DMRT3: variants seen among roughly 807,000 people sequenced by gnomAD.
DMRT3 encodes the protein doublesex and mab-3 related transcription factor 3.
In DMRT3, 29 loss-of-function variants were observed where a neutral mutation model predicts 34.9. That is an observed-to-expected ratio of 0.83 (90% CI 0.62 to 1.13). DMRT3 has a LOEUF of 1.13. DMRT3 is among the 50% of genes most tolerant of loss of function. The pLI, the probability that DMRT3 is intolerant of heterozygous loss-of-function variation, is 0.00. For missense variants in DMRT3, 772 were observed against 629.1 expected (o/e 1.23, Z -2.43); for synonymous variants, 350 against 286.0 (o/e 1.22, Z -2.26).
chr9:990,407 G>A lies in DMRT3; in HGVS notation c.821G>A (p.Cys274Tyr), dbSNP rs753155781. 1.9e-6 allele frequency: 3 copies of A among 1,614,110 alleles called. No individual in the cohort carries two copies. Among genetic ancestry groups the A allele is most frequent in the South Asian group, 1.1e-5 (1 of 91,082 alleles). ...PTVLELILKG[C>Y]GGDLVSAVEV... Reference sequence around the variant, plus strand: ...GTGCTTGAGCTCATCCTCAAGGGCTGTGGCGGGGACCTGGTGAGCGCCGTG... The same window carrying A: ...GTGCTTGAGCTCATCCTCAAGGGCTATGGCGGGGACCTGGTGAGCGCCGTG... The change falls in exon 2 of 2, where the codon TGT becomes TAT. Residue 274 changes from cysteine to tyrosine, a missense_variant. Transcript: ENST00000190165.
chr9:983,087 C>G (rs1419369662), intron 1 of DMRT3, among the ~76,000 whole-genome samples: 2 of 152,206 alleles, frequency 1.3e-5, no homozygotes, highest in Admixed American at 1.3e-4. Context: ...ATGCATACTA[C>G]TGTTCTCAGA....
chr9:977,061 G>A lies in DMRT3; in HGVS notation c.60G>A (p.Arg20=). ...YMGGPVSQPP[R]APLQRTPKCA... ...GCGGCCCGGTGTCGCAGCCGCCACGGGCGCCCCTGCAGCGCACGCCCAAGT... is the reference window on the plus strand; with the variant it reads ...GCGGCCCGGTGTCGCAGCCGCCACGAGCGCCCCTGCAGCGCACGCCCAAGT... Residue 20 remains arginine, a synonymous_variant, in exon 1 of 2, where the codon CGG becomes CGA. Transcript: ENST00000190165. The A allele has an allele frequency of 6.3e-7, 1 of 1,577,940 alleles. No homozygotes were observed. The highest frequency in any genetic ancestry group is 1.1e-5 in the South Asian group (1 of 87,180).
intron 1 of DMRT3, among the ~76,000 whole-genome samples, chr9:981,481 C>G (rs1426320108): frequency 6.6e-6 from 1 of 152,230 alleles, no homozygotes; most frequent in African/African-American, 2.4e-5. Flanking sequence ...GGGCTTGACT[C>G]AGTTGCATTT....
Position 977,077 on chromosome 9 carries a change from A to C in DMRT3, c.76A>C (p.Thr26Pro). 6.3e-7 allele frequency: 1 copy of C among 1,592,554 alleles called. No individual in the cohort carries two copies. Residue 26 changes from threonine (T) to proline (P), a missense_variant, in exon 1 of 2, where the codon ACG becomes CCG. Transcript: ENST00000190165. ...SQPPRAPLQR[T>P]PKCARCRNHG... The stretch of plus-strand genomic sequence containing the variant: ...GCCGCCACGGGCGCCCCTGCAGCGC[A>C]CGCCCAAGTGCGCGCGCTGCCGCAA...
chr9:980,157 T>G (rs1166559432), intron 1 of DMRT3, among the ~76,000 whole-genome samples: 2 of 152,300 alleles, frequency 1.3e-5, no homozygotes, highest in East Asian at 3.9e-4. Context: ...GAAAAGCACA[T>G]GCCTTAAGGA....
At chr9:977,855 G>A (rs1235009213) in intron 1 of DMRT3, among the ~76,000 whole-genome samples, 2 of 151,906 alleles carry the variant, frequency 1.3e-5, no homozygotes, top group South Asian at 4.2e-4. Context: ...GGCTTTAGAG[G>A]TCCTTGCCAT....
chr9:979,280 C>A (rs1166457160), intron 1 of DMRT3, among the ~76,000 whole-genome samples: 1 of 152,088 alleles, frequency 6.6e-6, no homozygotes, highest in Non-Finnish European at 1.5e-5. Context: ...GGCAGGAAGG[C>A]AGAGTAGGCA....
chr9:990,141 G>C lies in DMRT3; in HGVS notation c.555G>C (p.Lys185Asn), dbSNP rs1358930260. 14 of 1,613,960 alleles carry C rather than the reference G, an allele frequency of 8.7e-6. No homozygotes were observed. The highest frequency in any genetic ancestry group is 1.3e-5 in the African/African-American group (1 of 74,900). The change falls in exon 2 of 2, where the codon AAG becomes AAC. Residue 185 changes from lysine (K) to asparagine (N), a missense_variant. Lys to Asn is a moderately conservative substitution (Grantham distance 94, BLOSUM62 0). Coordinates refer to ENST00000190165, the MANE Select transcript of DMRT3 (RefSeq NM_021240.4). ...AGAGGAGTTCCCCAGATGTGGCAAA[G>C]AGTAAGGGCTGCTTCACCCCTGAGA... ...TDQRSSPDVA[K>N]SKGCFTPESP...
At position 990,749 on chromosome 9, in the gene DMRT3, A is replaced by T; in HGVS notation, c.1163A>T (p.Asp388Val). 2 of 1,614,022 alleles carry T rather than the reference A, an allele frequency of 1.2e-6. No individual in the cohort carries two copies. The highest frequency in any genetic ancestry group is 1.1e-5 in the South Asian group (1 of 91,078). The part of the protein sequence containing the change: ...RSQSSPFLPN[D>V]VTLWNTMTLQ... ...CAGTCGAGCCCCTTTTTGCCCAATG[A>T]TGTCACCCTGTGGAACACCATGACG... The change falls in exon 2 of 2, where the codon GAT becomes GTT. Residue 388 changes from aspartate (D) to valine (V), a missense_variant. Physicochemically the swap from Asp to Val is radical, Grantham distance 152. Coordinates refer to ENST00000190165, the MANE Select transcript of DMRT3 (RefSeq NM_021240.4).
intron 1 of DMRT3, 38 bp downstream of exon 1, chr9:977,493 G>T: frequency 7.9e-7 from 1 of 1,261,346 alleles, no homozygotes; most frequent in Non-Finnish European, 1.0e-6. Flanking sequence ...GGCCGGGCGC[G>T]GGGGCAACTT....
intron 1 of DMRT3, 110 bp downstream of exon 1, chr9:977,565 G>C (rs956111231): frequency 9.7e-7 from 1 of 1,034,908 alleles, no homozygotes; most frequent in Non-Finnish European, 1.2e-6. Flanking sequence ...ACGTGGGCCT[G>C]TCGGGGCTTT....
intron 1 of DMRT3, among the ~76,000 whole-genome samples, chr9:979,737 T>C (rs1649682248): frequency 6.6e-6 from 1 of 152,268 alleles, no homozygotes; most frequent in Non-Finnish European, 1.5e-5. Context: ...TAAAGTCTAT[T>C]TGGGGTTTAA....
rs1376639725 is a variant in DMRT3, at chr9:987,642, T to TC, written c.455-2399_455-2398insC. ...GTGTCTTATTTCCCCAGCTAGAAGA[T>TC]AAGGTCCATAAGCTAGGTGTGGGTC... On this transcript the variant is annotated intron_variant, in intron 1 of 1. Transcript: ENST00000190165. Among the ~76,000 whole-genome samples, 19 of 152,186 alleles carry TC rather than the reference T, an allele frequency of 1.2e-4. 1 individual carries two copies. Among genetic ancestry groups the TC allele is most frequent in the African/African-American group, 4.3e-4 (18 of 41,460 alleles).
Position 987,638 on chromosome 9 carries a change from AAG to A in DMRT3, c.455-2401_455-2400del, listed in dbSNP as rs1283416593. Among the ~76,000 whole-genome samples, 19 of 151,802 alleles carry A rather than the reference AAG, an allele frequency of 1.3e-4. 1 individual carries two copies. The highest frequency in any genetic ancestry group is 4.3e-4 in the African/African-American group (18 of 41,416). On this transcript the variant is annotated intron_variant, in intron 1 of 1. Transcript: ENST00000190165. Reference sequence around the variant, plus strand: ...ATGTGTGTCTTATTTCCCCAGCTAGAAGATAAGGTCCATAAGCTAGGTGTGGG... The same window carrying A: ...ATGTGTGTCTTATTTCCCCAGCTAGAATAAGGTCCATAAGCTAGGTGTGGG...
intron 1 of DMRT3, among the ~76,000 whole-genome samples, chr9:985,979 T>C (rs7860200): frequency 0.28 from 42,428 of 152,130 alleles, 6,576 homozygotes; most frequent in African/African-American, 0.38. Flanking sequence ...CCTGTGACAT[T>C]GTGTTAGCTT....
At chr9:987,621 C>A (rs991014537) in intron 1 of DMRT3, among the ~76,000 whole-genome samples, 1 of 152,002 alleles carries the variant, frequency 6.6e-6, no homozygotes. Context: ...GCATGTGTGT[C>A]TTATTTCCCC....
chr9:990,035 T>C lies in DMRT3; in HGVS notation c.455-6T>C. On this transcript the variant is annotated splice_polypyrimidine_tract_variant and splice_region_variant and intron_variant, in intron 1 of 1. Transcript: ENST00000190165. ...AAAAGATTAACTCAGCTGTTCTGTT[T>C]TCCAGATTTGACTGAAGAACGACTT... is the stretch of plus-strand genomic sequence containing the variant. 1 of 1,613,660 alleles carries C rather than the reference T, an allele frequency of 6.2e-7. No individual in the cohort carries two copies.
At position 987,607 on chromosome 9, in the gene DMRT3, T is replaced by C. The variant is rs531292071; in HGVS notation, c.455-2434T>C. On this transcript the variant is annotated intron_variant, in intron 1 of 1. Coordinates refer to ENST00000190165, the MANE Select transcript of DMRT3 (RefSeq NM_021240.4). ...GCTGCCAGGCCCTGTTTGCTTCTTC[T>C]CCTGCATGTGTGTCTTATTTCCCCA... Among the ~76,000 whole-genome samples, 3 of 152,320 alleles carry C rather than the reference T, an allele frequency of 2.0e-5. No individual in the cohort carries two copies. The East Asian group carries it at 5.8e-4, about 29-fold the overall frequency.
intron 1 of DMRT3, among the ~76,000 whole-genome samples, chr9:982,748 C>CG: frequency 6.6e-6 from 1 of 152,336 alleles, no homozygotes; most frequent in East Asian, 1.9e-4. Context: ...TTCTTCCTGA[C>CG]GGGAAGGAGG....
Sources: gnomAD v4.1 joint callset for allele counts (sites outside exome capture counted in the v4.1 genomes callset) on GRCh38, gnomAD v4.1.1 for gene constraint, MANE v1.5 for transcripts, NCBI Gene and HGNC (gene_info 2026-07-23, HGNC 2026-07-21) for gene names.